Variants in EPC2 observed in about 807,000 individuals in gnomAD.
EPC2 encodes the protein enhancer of polycomb homolog 2.
A neutral mutation model predicts 92.1 loss-of-function variants in EPC2; 14 were observed. That is an observed-to-expected ratio of 0.15 (90% CI 0.10 to 0.24). The LOEUF is 0.24. Among genes scored for constraint, EPC2 ranks in the 10% least tolerant of loss-of-function variants. The probability of loss-of-function intolerance (pLI) is 1.00; values close to 1 mark genes in which losing one functional copy is unlikely to be tolerated. For missense variants in EPC2, 755 were observed against 971.5 expected, an observed-to-expected ratio of 0.78 and a Z score of 2.96; for synonymous variants, 340 against 334.7, an observed-to-expected ratio of 1.02 and a Z score of -0.17.
At position 148,677,104 on chromosome 2, in the gene EPC2, C is replaced by T. The variant is rs150170056; in HGVS notation, c.154-13110C>T. On this transcript the variant is annotated intron_variant, in intron 1 of 13. Transcript: ENST00000258484. ...TCTGGTACCTACTTCCAGGATTCTACATGTTTACAACTAGTCATGTTTATT... is the reference window on the plus strand; with the variant it reads ...TCTGGTACCTACTTCCAGGATTCTATATGTTTACAACTAGTCATGTTTATT... Among the ~76,000 whole-genome samples the T allele has an allele frequency of 6.4e-4, 97 of 152,296 alleles. 1 individual carries two copies. The highest frequency in any genetic ancestry group is 3.1e-3 in the South Asian group (15 of 4,822).
intron 2 of EPC2, among the ~76,000 whole-genome samples, chr2:148,723,305 C>T (rs1436464743): frequency 6.6e-6 from 1 of 152,158 alleles, no homozygotes; most frequent in African/African-American, 2.4e-5. Flanking sequence ...TATTTTTTCC[C>T]TAAGTATTCA....
intron 1 of EPC2, among the ~76,000 whole-genome samples, chr2:148,666,893 A>G (rs1304781571): frequency 6.7e-6 from 1 of 150,326 alleles, no homozygotes; most frequent in African/African-American, 2.5e-5. Context: ...TTCCAGGCTC[A>G]GGAGGTATTT....
intron 1 of EPC2, among the ~76,000 whole-genome samples, chr2:148,673,316 A>G (rs1681193533): frequency 6.6e-6 from 1 of 152,030 alleles, no homozygotes; most frequent in Non-Finnish European, 1.5e-5. Flanking sequence ...AGCTCCTATA[A>G]TGTGTATATT....
intron 2 of EPC2, among the ~76,000 whole-genome samples, chr2:148,717,242 C>T (rs967789122): frequency 3.4e-5 from 4 of 118,620 alleles, no homozygotes; most frequent in African/African-American, 1.3e-4. Flanking sequence ...CTGTCTACTT[C>T]GATTCAGCTC....
chr2:148,732,946 CT>C lies in EPC2; in HGVS notation c.314-10656del, dbSNP rs147569199. Among the ~76,000 whole-genome samples, 14 of 83,832 alleles carry C rather than the reference CT, an allele frequency of 1.7e-4. 1 individual carries two copies. Among genetic ancestry groups the C allele is most frequent in the African/African-American group, 5.9e-4 (13 of 22,148 alleles). 55.0% of individuals were successfully genotyped at this position (83,832 alleles called of 152,430 possible). A position where few individuals can be genotyped will look rare whatever the true frequency, so the allele number is the denominator to read the frequency against. On this transcript the variant is annotated intron_variant, in intron 2 of 13. Coordinates refer to ENST00000258484, the MANE Select transcript of EPC2 (RefSeq NM_015630.4). ...AATTCTAAATATTAAGTGAATAGCTCTTTTTTTTTTTTTTTTTTTTCCAGTT... is the reference window on the plus strand; with the variant it reads ...AATTCTAAATATTAAGTGAATAGCTCTTTTTTTTTTTTTTTTTTTCCAGTT...
intron 2 of EPC2, among the ~76,000 whole-genome samples, chr2:148,699,813 G>T (rs6735989): frequency 0.18 from 27,728 of 152,004 alleles, 3,249 homozygotes; most frequent in East Asian, 0.49. Flanking sequence ...CAAACTGCAT[G>T]CCAAAGTGGC....
intron 2 of EPC2, among the ~76,000 whole-genome samples, chr2:148,701,117 G>T (rs1224467658): frequency 2.0e-5 from 3 of 152,076 alleles, no homozygotes; most frequent in African/African-American, 7.2e-5. Flanking sequence ...TATTAACTTT[G>T]TATGCTACAG....
Position 148,765,018 on chromosome 2 carries a change from C to G in EPC2, c.1012C>G (p.Pro338Ala). The part of the protein sequence containing the change: ...SDVVRQKKKY[P>A]KKPKAEALIT... ...TGTGGTTCGTCAAAAGAAGAAGTAC[C>G]CAAAGAAGCCTAAAGCAGAGGCTTT... The change falls in exon 7 of 14, where the codon CCA becomes GCA. Residue 338 changes from proline to alanine, a missense_variant. By Grantham distance (27) the Pro-to-Ala change is conservative. This residue lies in a region of EPC2 where 509 missense variants were observed against 607.7 expected (regional missense o/e 0.84). Coordinates refer to ENST00000258484, the MANE Select transcript of EPC2 (RefSeq NM_015630.4). 1.2e-6 allele frequency: 2 copies of G among 1,605,586 alleles called. No homozygotes were observed.
intron 10 of EPC2, among the ~76,000 whole-genome samples, chr2:148,775,101 A>G (rs1230570457): frequency 2.0e-5 from 3 of 150,794 alleles, no homozygotes; most frequent in Non-Finnish European, 4.4e-5. Flanking sequence ...AAAAAAAAAA[A>G]AAAGAAAAGA....
At chr2:148,740,850 T>C (rs1682868445) in intron 2 of EPC2, among the ~76,000 whole-genome samples, 1 of 152,166 alleles carries the variant, frequency 6.6e-6, no homozygotes, top group African/African-American at 2.4e-5. Flanking sequence ...TGTTTGCTGT[T>C]AGTATGTGGA....
chr2:148,669,868 G>GT (rs1681121431), intron 1 of EPC2, among the ~76,000 whole-genome samples: 1 of 152,052 alleles, frequency 6.6e-6, no homozygotes, highest in Non-Finnish European at 1.5e-5. Context: ...AAATTTTGAG[G>GT]TTTTTCAGTC....
rs1236757068 is a variant in EPC2, at chr2:148,663,425, A to T, written c.153+18255A>T. On this transcript the variant is annotated intron_variant, in intron 1 of 13. Transcript: ENST00000258484. Reference sequence around the variant, plus strand: ...AGTAGAGACAGGGTTTCACCATGTTAGCCAGGATGGTCTCAATCTCCTGAC... The same window carrying T: ...AGTAGAGACAGGGTTTCACCATGTTTGCCAGGATGGTCTCAATCTCCTGAC... Among the ~76,000 whole-genome samples the T allele has an allele frequency of 2.0e-5, 3 of 151,090 alleles. No homozygotes were observed. In the East Asian group the frequency reaches 5.8e-4, roughly 29 times the overall value.
Position 148,727,044 on chromosome 2 carries a change from A to G in EPC2, c.314-16578A>G, listed in dbSNP as rs528895387. Among the ~76,000 whole-genome samples the G allele has an allele frequency of 6.6e-5, 10 of 152,174 alleles. No homozygotes were observed. The South Asian group carries it at 2.1e-3, about 32-fold the overall frequency. ...AGTCTTTCTTCCTGTATTTTCTTCT[A>G]GGAGTTTTATAATTTTGTGTCTTAC... On this transcript the variant is annotated intron_variant, in intron 2 of 13. Coordinates refer to ENST00000258484, the MANE Select transcript of EPC2 (RefSeq NM_015630.4).
At chr2:148,720,240 C>T (rs1268486246) in intron 2 of EPC2, among the ~76,000 whole-genome samples, 2 of 152,208 alleles carry the variant, frequency 1.3e-5, no homozygotes, top group Non-Finnish European at 2.9e-5. Context: ...CTGAGTTGTG[C>T]CACTGGGGGG....
chr2:148,701,519 G>T (rs556475511), intron 2 of EPC2, among the ~76,000 whole-genome samples: 3 of 152,186 alleles, frequency 2.0e-5, no homozygotes, highest in South Asian at 4.2e-4. Context: ...ATGCTCATGT[G>T]ATTTTTCTTC....
rs1174662763 is a variant in EPC2, at chr2:148,644,880, G to C, written c.-138G>C. On this transcript the variant is annotated 5_prime_UTR_variant, in exon 1 of 14. Coordinates refer to ENST00000258484, the MANE Select transcript of EPC2 (RefSeq NM_015630.4). ...CGGGGTGGGCGCCCATGCTGTGGCC[G>C]GGGGCAGTGAGGAGGAGGAGGAGCG... 5 of 710,692 alleles carry C rather than the reference G, an allele frequency of 7.0e-6. No homozygotes were observed. Among genetic ancestry groups the C allele is most frequent in the East Asian group, 3.1e-5 (1 of 32,366 alleles). 44.0% of individuals were successfully genotyped at this position (710,692 alleles called of 1,614,324 possible).
At chr2:148,688,752 A>T (rs982697605) in intron 1 of EPC2, among the ~76,000 whole-genome samples, 13 of 152,168 alleles carry the variant, frequency 8.5e-5, no homozygotes, top group Non-Finnish European at 1.5e-4. Flanking sequence ...TCATTTATTC[A>T]TTCAGTTAAT....
At position 148,673,275 on chromosome 2, in the gene EPC2, C is replaced by T. The variant is rs527674184; in HGVS notation, c.154-16939C>T. Among the ~76,000 whole-genome samples, 9 of 152,256 alleles carry T rather than the reference C, an allele frequency of 5.9e-5. No individual in the cohort carries two copies. In the South Asian group the frequency reaches 1.9e-3, roughly 32 times the overall value. The stretch of plus-strand genomic sequence containing the variant: ...TTTTGCCATTATTTCTTCAAATAAG[C>T]TCTCTGTCCCTTCTCTCTCTAACCT... On this transcript the variant is annotated intron_variant, in intron 1 of 13. Coordinates refer to ENST00000258484, the MANE Select transcript of EPC2 (RefSeq NM_015630.4).
intron 3 of EPC2, among the ~76,000 whole-genome samples, chr2:148,750,709 G>T (rs1168916017): frequency 6.6e-6 from 1 of 151,970 alleles, no homozygotes; most frequent in Non-Finnish European, 1.5e-5. Flanking sequence ...TCAGTGTGTT[G>T]GTTTTGAGCT....
Sources: allele counts gnomAD v4.1 joint callset (sites outside exome capture counted in the v4.1 genomes callset), GRCh38; gene constraint gnomAD v4.1.1; regional missense constraint gnomAD v4.1.1; transcripts MANE v1.5; gene names NCBI Gene and HGNC (gene_info 2026-07-23, HGNC 2026-07-21).